Variants in KRCC1 observed in about 807,000 individuals in gnomAD.
KRCC1 encodes lysine-rich coiled-coil protein 1.
Under a neutral mutation model 7.4 loss-of-function variants are expected in KRCC1, and 3 were observed. That is an observed-to-expected ratio of 0.40 (90% CI 0.18 to 1.04). The LOEUF is 1.04. Among genes scored for constraint, KRCC1 ranks in the 50% least tolerant of loss-of-function variants. KRCC1 has a pLI of 0.33. For synonymous variants in KRCC1, 102 were observed against 101.6 expected (o/e 1.00, Z -0.02); for missense variants, 277 against 300.9 (o/e 0.92, Z 0.59).
At position 88,030,005 on chromosome 2, in the gene KRCC1, G is replaced by A. The variant is rs189172495; in HGVS notation, c.-22-1420C>T. On this transcript the variant is annotated intron_variant, in intron 3 of 3. Coordinates refer to ENST00000347055, the MANE Select transcript of KRCC1 (RefSeq NM_016618.3). ...TAAGACTACAGGTGCACACCACCAC[G>A]CCTGGCTAATTTTTGTATTTTTAGT... Among the ~76,000 whole-genome samples, 112 of 150,596 alleles carry A rather than the reference G, an allele frequency of 7.4e-4. No homozygotes were observed. In the East Asian group the frequency reaches 0.016, roughly 21 times the overall value.
chr2:88,051,008 C>T (rs1388208969), intron 1 of KRCC1, among the ~76,000 whole-genome samples: 1 of 151,132 alleles, frequency 6.6e-6, no homozygotes, highest in Non-Finnish European at 1.5e-5. Context: ...ACCGTAGCCT[C>T]GACCTCCTGG....
At chr2:88,052,786 T>A (rs950516566) in intron 1 of KRCC1, among the ~76,000 whole-genome samples, 14 of 152,260 alleles carry the variant, frequency 9.2e-5, no homozygotes, top group Non-Finnish European at 1.6e-4. Flanking sequence ...TGACTGTTAG[T>A]ATACTTGTGT....
Position 88,031,665 on chromosome 2 carries a change from A to G in KRCC1, c.-23+2469T>C, listed in dbSNP as rs567807045. The stretch of plus-strand genomic sequence containing the variant: ...AAATAAAAAAAAAGTTAAGAATAAA[A>G]TAGGAAAAGGCTAGGATAAAGATAT... On this transcript the variant is annotated intron_variant, in intron 3 of 3. Transcript: ENST00000347055. Among the ~76,000 whole-genome samples, 27 of 152,022 alleles carry G rather than the reference A, an allele frequency of 1.8e-4. No individual in the cohort carries two copies. In the East Asian group the frequency reaches 5.2e-3, roughly 29 times the overall value.
intron 1 of KRCC1, among the ~76,000 whole-genome samples, chr2:88,046,623 G>A (rs540739733): frequency 2.0e-5 from 3 of 152,302 alleles, no homozygotes; most frequent in African/African-American, 2.4e-5. Flanking sequence ...GTTGAAGGAT[G>A]GACCTGATCC....
intron 1 of KRCC1, among the ~76,000 whole-genome samples, chr2:88,054,568 G>C (rs1673570288): frequency 6.6e-6 from 1 of 152,132 alleles, no homozygotes; most frequent in Non-Finnish European, 1.5e-5. Context: ...CCAGATAGGA[G>C]ACACAGCTGG....
At position 88,048,232 on chromosome 2, in the gene KRCC1, G is replaced by A. The variant is rs542795462; in HGVS notation, c.-291+7394C>T. Among the ~76,000 whole-genome samples, 52 of 152,032 alleles carry A rather than the reference G, an allele frequency of 3.4e-4. No homozygotes were observed. The South Asian group carries it at 7.9e-3, about 23-fold the overall frequency. ...TGAGTAGCTGGGATTACAGGCGTGC[G>A]CTACCATGGCTGGCTAATTTTGTAT... On this transcript the variant is annotated intron_variant, in intron 1 of 3. Coordinates refer to ENST00000347055, the MANE Select transcript of KRCC1 (RefSeq NM_016618.3).
intron 1 of KRCC1, among the ~76,000 whole-genome samples, chr2:88,054,191 C>T (rs1438889636): frequency 1.3e-5 from 2 of 152,184 alleles, no homozygotes; most frequent in East Asian, 3.9e-4. Context: ...TGCAAAAGCT[C>T]TCCCCATCCT....
intron 1 of KRCC1, among the ~76,000 whole-genome samples, chr2:88,049,129 T>C (rs1410856185): frequency 2.0e-5 from 3 of 152,192 alleles, no homozygotes; most frequent in Non-Finnish European, 4.4e-5. Flanking sequence ...ATATTCCCAA[T>C]GACAAAATAC....
At chr2:88,029,910 C>T (rs1260796749) in intron 3 of KRCC1, among the ~76,000 whole-genome samples, 8 of 148,810 alleles carry the variant, frequency 5.4e-5, no homozygotes, top group Non-Finnish European at 1.2e-4. Flanking sequence ...TTCAATGGCA[C>T]GATCTCGTCT....
chr2:88,051,562 AT>A (rs1673487880), intron 1 of KRCC1, among the ~76,000 whole-genome samples: 1 of 152,230 alleles, frequency 6.6e-6, no homozygotes, highest in African/African-American at 2.4e-5. Flanking sequence ...CATATCAAAT[AT>A]TTGCCAATTG....
chr2:88,047,452 T>C (rs1673362768), intron 1 of KRCC1, among the ~76,000 whole-genome samples: 1 of 152,150 alleles, frequency 6.6e-6, no homozygotes, highest in Non-Finnish European at 1.5e-5. Flanking sequence ...CAACTGAATT[T>C]GAATAAAAAA....
At chr2:88,028,705 A>G in intron 3 of KRCC1, 120 bp from the exon 4 acceptor site, 1 of 636,630 alleles carries the variant, frequency 1.6e-6, no homozygotes, top group East Asian at 3.0e-5. Context: ...ACTAGAGTGC[A>G]GTGGGGTTGC....
chr2:88,045,904 T>C (rs1673320459), intron 1 of KRCC1, among the ~76,000 whole-genome samples: 1 of 152,126 alleles, frequency 6.6e-6, no homozygotes, highest in South Asian at 2.1e-4. Flanking sequence ...GGTCTCAAAC[T>C]CCTGATTTCA....
intron 3 of KRCC1, 57 bp from the exon 4 acceptor site, chr2:88,028,642 C>CACT: frequency 2.2e-5 from 15 of 682,144 alleles, no homozygotes; most frequent in Non-Finnish European, 3.2e-5. Flanking sequence ...ATTTCCTTTG[C>CACT]TCTTTTTTTT....
chr2:88,055,306 A>AC (rs1336796323), intron 1 of KRCC1, among the ~76,000 whole-genome samples: 1 of 151,336 alleles, frequency 6.6e-6, no homozygotes, highest in African/African-American at 2.4e-5. Flanking sequence ...TCCTCACCCC[A>AC]CTTCCCTTTC....
intron 2 of KRCC1, among the ~76,000 whole-genome samples, chr2:88,035,831 A>C (rs1205938512): frequency 1.3e-5 from 2 of 152,168 alleles, no homozygotes; most frequent in Non-Finnish European, 1.5e-5. Flanking sequence ...TATTTCTTAG[A>C]CCTCTGGGCT....
At chr2:88,044,002 A>G (rs1673274049) in intron 1 of KRCC1, among the ~76,000 whole-genome samples, 1 of 152,144 alleles carries the variant, frequency 6.6e-6, no homozygotes, top group African/African-American at 2.4e-5. Context: ...TCCTCATAAG[A>G]ACTCTATGGG....
At chr2:88,044,863 ATTTTTTTTTTTTTT>A (rs11302450) in intron 1 of KRCC1, among the ~76,000 whole-genome samples, 1 of 105,886 alleles carries the variant, frequency 9.4e-6, no homozygotes, top group Non-Finnish European at 2.0e-5. Flanking sequence ...GAGTTTGATA[ATTTTTTTTTTTTTT>A]TTTTTTTTGG....
At chr2:88,055,414 C>T (rs1673598063) in intron 1 of KRCC1, among the ~76,000 whole-genome samples, 1 of 152,082 alleles carries the variant, frequency 6.6e-6, no homozygotes, top group African/African-American at 2.4e-5. Context: ...AAGCCGAGCG[C>T]CCCTTCCCTC....
Sources: allele counts gnomAD v4.1 joint callset (sites outside exome capture counted in the v4.1 genomes callset), GRCh38; gene constraint gnomAD v4.1.1; transcripts MANE v1.5; gene names NCBI Gene and HGNC (gene_info 2026-07-23, HGNC 2026-07-21).